RHOQ: variants seen among roughly 807,000 people sequenced by gnomAD.
RHOQ encodes rho-related GTP-binding protein RhoQ.
A neutral mutation model predicts 25.8 loss-of-function variants in RHOQ; 7 were observed. The observed-to-expected ratio is 0.27, with a 90% CI of 0.15 to 0.51. The LOEUF (loss-of-function observed/expected upper bound fraction) is 0.51, where lower values mean the gene tolerates loss of function less well. Among genes scored for constraint, RHOQ ranks in the 20% least tolerant of loss-of-function variants. The pLI is 0.97. For missense variants in RHOQ, 165 were observed against 260.6 expected (o/e 0.63, Z 2.53); for synonymous variants, 97 against 98.6 (o/e 0.98, Z 0.10).
chr2:46,547,612 T>G (rs1221413860), intron 2 of RHOQ, among the ~76,000 whole-genome samples: 1 of 152,188 alleles, frequency 6.6e-6, no homozygotes, highest in East Asian at 1.9e-4. Flanking sequence ...GCCAAGCATT[T>G]TGGAGTGGAA....
At position 46,552,093 on chromosome 2, in the gene RHOQ, A is replaced by G. The variant is rs1420915933; in HGVS notation, c.201+8281A>G. ...TGCACTGTTGTTCAGCGTTTCATGT[A>G]AAAGGTACATTCCAAGCGTATCGCT... is the stretch of plus-strand genomic sequence containing the variant. On this transcript the variant is annotated intron_variant, in intron 2 of 4. Coordinates refer to ENST00000238738, the MANE Select transcript of RHOQ (RefSeq NM_012249.4). The surrounding 1 kb of genome is among the most constrained non-coding windows in gnomAD (Gnocchi z 5.0). Among the ~76,000 whole-genome samples, 7 of 152,226 alleles carry G rather than the reference A, an allele frequency of 4.6e-5. No homozygotes were observed. Among genetic ancestry groups the G allele is most frequent in the Admixed American group, 3.3e-4 (5 of 15,286 alleles).
intron 1 of RHOQ, 170 bp downstream of exon 1, chr2:46,543,358 C>T (rs1009622733): frequency 9.1e-5 from 62 of 683,894 alleles, no homozygotes; most frequent in Admixed American, 2.3e-4. Context: ...CTGGCAACCC[C>T]TCGCCCGCTG....
In RHOQ at chr2:46,543,816, A is replaced by AGT; in HGVS notation, c.201+7_201+8dup. 1.2e-6 allele frequency: 2 copies of AGT among 1,612,706 alleles called. No individual in the cohort carries two copies. The highest frequency in any genetic ancestry group is 1.7e-6 in the Non-Finnish European group (2 of 1,179,304). Reference sequence around the variant, plus strand: ...ACTCTATGACACGGCCGGACAGGTGAGTGTCTTGGCCTCTGGCCGACGCCC... The same window carrying AGT: ...ACTCTATGACACGGCCGGACAGGTGAGTGTGTCTTGGCCTCTGGCCGACGCCC... On this transcript the variant is annotated splice_donor_region_variant and intron_variant, in intron 2 of 4. Coordinates refer to ENST00000238738, the MANE Select transcript of RHOQ (RefSeq NM_012249.4).
intron 2 of RHOQ, among the ~76,000 whole-genome samples, chr2:46,554,122 T>G (rs1046306316): frequency 8.2e-4 from 38 of 46,586 alleles, no homozygotes; most frequent in Non-Finnish European, 1.3e-3. Flanking sequence ...TGTGTGTGTG[T>G]TTTTTTTTTT....
rs377340656 is a variant in RHOQ, at chr2:46,556,488, T to A, written c.201+12676T>A. 8.8e-5 allele frequency among the ~76,000 whole-genome samples: 3 copies of A among 34,228 alleles called. No individual in the cohort carries two copies. The highest frequency in any genetic ancestry group is 1.7e-4 in the African/African-American group (1 of 5,964). 22.5% of individuals were successfully genotyped at this position (34,228 alleles called of 152,430 possible). A position where few individuals can be genotyped will look rare whatever the true frequency, so the allele number is the denominator to read the frequency against. ...TCTTTTTCTTAAAAAATTTTTTTAATTTTTTTTTTTTTGTTCCTTTTAATG... is the reference window on the plus strand; with the variant it reads ...TCTTTTTCTTAAAAAATTTTTTTAAATTTTTTTTTTTTGTTCCTTTTAATG... On this transcript the variant is annotated intron_variant, in intron 2 of 4. Transcript: ENST00000238738. The surrounding 1 kb of genome is among the most constrained non-coding windows in gnomAD (Gnocchi z 4.9).
chr2:46,554,410 G>T (rs901282029), intron 2 of RHOQ, among the ~76,000 whole-genome samples: 4 of 152,280 alleles, frequency 2.6e-5, no homozygotes, highest in Admixed American at 6.5e-5. Flanking sequence ...GGTATTTCTT[G>T]ATGCGGCCTA....
Sources: allele counts gnomAD v4.1 joint callset (sites outside exome capture counted in the v4.1 genomes callset), GRCh38; gene constraint gnomAD v4.1.1; non-coding constraint Gnocchi (gnomAD v3.1); transcripts MANE v1.5; gene names NCBI Gene and HGNC (gene_info 2026-07-23, HGNC 2026-07-21).